PAK3: variants seen among roughly 807,000 people sequenced by gnomAD.
PAK3 encodes p21 (RAC1) activated kinase 3.
PAK3 carries 4 observed loss-of-function variants against 41.0 expected under a neutral mutation model. The observed-to-expected ratio is 0.10, with a 90% CI of 0.05 to 0.22. The LOEUF is 0.22. Among genes scored for constraint, PAK3 ranks in the 10% least tolerant of loss-of-function variants. PAK3 has a pLI of 1.00. For synonymous variants in PAK3, 146 were observed against 139.6 expected, an observed-to-expected ratio of 1.05 and a Z score of -0.32; for missense variants, 205 against 409.9, an observed-to-expected ratio of 0.50 and a Z score of 4.32.
chrX:111,041,473 G>A (rs1416212602), intron 1 of PAK3, among the ~76,000 whole-genome samples: 2 of 111,881 alleles, frequency 1.8e-5, no homozygotes, highest in Non-Finnish European at 3.8e-5. Flanking sequence ...CTCCTTCACT[G>A]TGCCACCCCT....
intron 1 of PAK3, among the ~76,000 whole-genome samples, chrX:110,964,175 G>A (rs941566467): frequency 3.6e-5 from 4 of 111,894 alleles, no homozygotes; most frequent in Non-Finnish European, 7.5e-5. Flanking sequence ...AGTTCAAGGA[G>A]GTTAAGTGAC....
intron 1 of PAK3, among the ~76,000 whole-genome samples, chrX:110,981,171 T>C (rs1313139941): frequency 9.0e-6 from 1 of 111,254 alleles, no homozygotes; most frequent in East Asian, 2.8e-4. Context: ...TGAGGTGAGG[T>C]ACAGCAAAAA....
intron 1 of PAK3, among the ~76,000 whole-genome samples, chrX:110,967,243 C>A (rs537079931): frequency 8.8e-6 from 1 of 113,086 alleles, no homozygotes; most frequent in Admixed American, 9.3e-5. Flanking sequence ...CAAAAGCAAA[C>A]AGATCAGGGA....
At chrX:110,964,525 A>G (rs2091043475) in intron 1 of PAK3, among the ~76,000 whole-genome samples, 1 of 111,927 alleles carries the variant, frequency 8.9e-6, no homozygotes, top group Non-Finnish European at 1.9e-5. Context: ...TTGCCCCTGG[A>G]GCAGGGCTGC....
At chrX:110,968,879 G>A (rs141590782) in intron 1 of PAK3, among the ~76,000 whole-genome samples, 3,858 of 109,049 alleles carry the variant, frequency 0.035, 62 homozygotes, top group Non-Finnish European at 0.053. Context: ...TATACTTTTC[G>A]TGTCATGCCT....
At chrX:111,184,952 C>G (rs899581908) in intron 11 of PAK3, among the ~76,000 whole-genome samples, 4 of 111,530 alleles carry the variant, frequency 3.6e-5, no homozygotes, top group Non-Finnish European at 5.7e-5. Context: ...ATTTCTGGTT[C>G]TAGACCCTTG....
intron 10 of PAK3, among the ~76,000 whole-genome samples, chrX:111,167,305 G>A (rs1333998117): frequency 1.8e-5 from 2 of 110,731 alleles, no homozygotes; most frequent in African/African-American, 6.6e-5. Context: ...CAAAAGAGAG[G>A]AAAAAGGGAA....
chrX:111,174,924 C>T (rs1257074409), intron 11 of PAK3, among the ~76,000 whole-genome samples: 1 of 110,805 alleles, frequency 9.0e-6, no homozygotes, highest in Admixed American at 9.6e-5. Context: ...CTTCTAGAGC[C>T]GTTTTCTCCC....
At chrX:110,965,396 C>T (rs954420619) in intron 1 of PAK3, among the ~76,000 whole-genome samples, 35 of 112,303 alleles carry the variant, frequency 3.1e-4, no homozygotes, top group Non-Finnish European at 5.1e-4. Flanking sequence ...TTGCCCTTAG[C>T]CTTCCCTTGG....
intron 10 of PAK3, among the ~76,000 whole-genome samples, chrX:111,167,651 A>G (rs1294358483): frequency 1.9e-5 from 2 of 105,932 alleles, no homozygotes; most frequent in African/African-American, 3.5e-5. Flanking sequence ...GCATGTTCTC[A>G]CTCGTAAGTG....
rs144388761 is a variant in PAK3 at position 111,152,589 on chromosome X, T to C, written c.468+142T>C. 0.023 allele frequency: 10,456 copies of C among 454,640 alleles called. 128 individuals carry two copies. The highest frequency in any genetic ancestry group is 0.06 in the Middle Eastern group (96 of 1,596). The allele number at this position is 454,640 out of a possible 1,213,427, so 37.5% of individuals were successfully genotyped here. On this transcript the variant is annotated intron_variant, in intron 8 of 17. Transcript: ENST00000372007. ...TAATTCAGTTTATATAAAATTCACC[T>C]ATTTTCAGGTAAACAGTTCAATGAG...
intron 1 of PAK3, among the ~76,000 whole-genome samples, chrX:111,044,225 G>A (rs1425936094): frequency 8.9e-6 from 1 of 111,817 alleles, no homozygotes; most frequent in Non-Finnish European, 1.9e-5. Flanking sequence ...CAGTGAATTA[G>A]TGACAGATCT....
At chrX:110,949,559 T>A (rs1014110135) in intron 1 of PAK3, among the ~76,000 whole-genome samples, 2 of 111,277 alleles carry the variant, frequency 1.8e-5, no homozygotes, top group African/African-American at 6.5e-5. Flanking sequence ...CTCTGCTTGC[T>A]GTTGGTATTG....
At position 110,994,183 on chromosome X, in the gene PAK3, A is replaced by T. The variant is rs145759383; in HGVS notation, c.-28+49555A>T. Among the ~76,000 whole-genome samples the T allele has an allele frequency of 1.1e-4, 12 of 112,228 alleles. No individual in the cohort carries two copies. In the East Asian group the frequency reaches 3.4e-3, roughly 32 times the overall value. On this transcript the variant is annotated intron_variant, in intron 1 of 14. Transcript: ENST00000425146. The stretch of plus-strand genomic sequence containing the variant: ...CTGACTCGATGAGATGTTGTGCTAG[A>T]TGCTGGTTGTTGCCTTCTCTGTATT...
At chrX:111,172,623 G>C (rs1417893950) in intron 10 of PAK3, among the ~76,000 whole-genome samples, 2 of 110,877 alleles carry the variant, frequency 1.8e-5, no homozygotes, top group Non-Finnish European at 3.8e-5. Context: ...TCTTGCATTT[G>C]TTTGCTTAGG....
chrX:111,128,554 A>T (rs1247921233), intron 5 of PAK3, among the ~76,000 whole-genome samples: 2 of 111,754 alleles, frequency 1.8e-5, no homozygotes, highest in African/African-American at 6.5e-5. Context: ...ATCACATAGC[A>T]AATGACAGAA....
At chrX:111,040,885 G>T (rs1202520172) in intron 1 of PAK3, among the ~76,000 whole-genome samples, 2 of 111,624 alleles carry the variant, frequency 1.8e-5, no homozygotes, top group African/African-American at 6.5e-5. Flanking sequence ...AGGCCCTAGG[G>T]TATAATCCAG....
intron 1 of PAK3, among the ~76,000 whole-genome samples, chrX:111,086,744 C>A (rs754638162): frequency 9.0e-6 from 1 of 111,437 alleles, no homozygotes; most frequent in Non-Finnish European, 1.9e-5. Flanking sequence ...TTAAGCCTCA[C>A]TAATTCCCTG....
intron 10 of PAK3, among the ~76,000 whole-genome samples, chrX:111,166,169 T>TTCCTGC (rs1028855802): frequency 9.0e-5 from 10 of 111,323 alleles, no homozygotes; most frequent in African/African-American, 3.3e-4. Flanking sequence ...AAGGCAGACT[T>TTCCTGC]TCCTGCTCCT....
Sources: allele counts gnomAD v4.1 joint callset (sites outside exome capture counted in the v4.1 genomes callset), GRCh38; gene constraint gnomAD v4.1.1; transcripts MANE v1.5; gene names NCBI Gene and HGNC (gene_info 2026-07-23, HGNC 2026-07-21).